Variants in MGA observed in about 807,000 individuals in gnomAD.
The protein encoded by MGA is MAX gene-associated protein.
MGA carries 40 observed loss-of-function variants against 261.1 expected under a neutral mutation model. That is an observed-to-expected ratio of 0.15 (90% CI 0.12 to 0.20). The LOEUF is 0.20. Among genes scored for constraint, MGA ranks in the 10% least tolerant of loss-of-function variants. The probability of loss-of-function intolerance (pLI) is 1.00; values close to 1 mark genes in which losing one functional copy is unlikely to be tolerated. For synonymous variants in MGA, 1,302 were observed against 1,290.6 expected (o/e 1.01, Z -0.19); for missense variants, 3,397 against 3,630.5 (o/e 0.94, Z 1.65).
At chr15:41,724,615 G>C (rs1036123309) in intron 9 of MGA, among the ~76,000 whole-genome samples, 2 of 152,140 alleles carry the variant, frequency 1.3e-5, no homozygotes, top group African/African-American at 4.8e-5. Context: ...AGTCAGGGAG[G>C]CCAGGGCTAT....
At chr15:41,722,589 G>T (rs1414106434) in intron 9 of MGA, among the ~76,000 whole-genome samples, 1 of 152,166 alleles carries the variant, frequency 6.6e-6, no homozygotes, top group Non-Finnish European at 1.5e-5. Flanking sequence ...TCTATTTCTT[G>T]TATGGTGTTT....
rs1595884602 is a variant in MGA, at chr15:41,727,377, C to T, written c.3628C>T (p.Arg1210Trp). 10 of 1,613,780 alleles carry T rather than the reference C, an allele frequency of 6.2e-6. No individual in the cohort carries two copies. The highest frequency in any genetic ancestry group is 4.5e-5 in the East Asian group (2 of 44,894). Residue 1210 changes from arginine (R) to tryptophan (W), a missense_variant, in exon 10 of 24, where the codon CGG (arginine) becomes TGG (tryptophan). By Grantham distance (101) the Arg-to-Trp change is moderately radical. This residue lies in a region of MGA where 519 missense variants were observed against 554.1 expected (regional missense o/e 0.94). Transcript: ENST00000219905. ...ACTGCTCACTGGAATTAAATCTCCA[C>T]GGTCATATACTCCCAAACCCAATCC...
At chr15:41,759,225 A>G (rs145282580) in intron 19 of MGA, among the ~76,000 whole-genome samples, 95 of 152,344 alleles carry the variant, frequency 6.2e-4, no homozygotes, top group African/African-American at 2.1e-3. Flanking sequence ...ATGGTAAGAC[A>G]TAAGAGTGAT....
chr15:41,659,800 A>G (rs1306048410), upstream of MGA, among the ~76,000 whole-genome samples: 1 of 152,240 alleles, frequency 6.6e-6, no homozygotes, highest in Non-Finnish European at 1.5e-5. Flanking sequence ...ATTTAGTGGC[A>G]ACTCTTCGCT....
chr15:41,737,609 C>T (rs574297042), intron 13 of MGA, among the ~76,000 whole-genome samples: 11 of 152,166 alleles, frequency 7.2e-5, no homozygotes, highest in African/African-American at 2.6e-4. Flanking sequence ...TAGTAATTCA[C>T]GCAGGTTGTA....
intron 2 of MGA, among the ~76,000 whole-genome samples, chr15:41,684,018 C>T (rs974916814): frequency 5.3e-5 from 8 of 151,914 alleles, no homozygotes; most frequent in Admixed American, 1.3e-4. Context: ...TTACGGAAGG[C>T]GTTATAATAT....
At chr15:41,740,242 A>G (rs760804490) in intron 14 of MGA, 39 bp downstream of exon 14, 4 of 1,600,608 alleles carry the variant, frequency 2.5e-6, no homozygotes, top group Non-Finnish European at 3.4e-6. Context: ...AAGGCCTATG[A>G]CTTGGTGGTG....
intron 7 of MGA, among the ~76,000 whole-genome samples, chr15:41,708,754 T>C (rs528878503): frequency 6.6e-6 from 1 of 152,320 alleles, no homozygotes. Flanking sequence ...ATTTCTGTTA[T>C]TTCTGTTTCT....
intron 9 of MGA, among the ~76,000 whole-genome samples, chr15:41,717,407 G>C (rs1427159777): frequency 6.6e-6 from 1 of 152,068 alleles, no homozygotes; most frequent in Non-Finnish European, 1.5e-5. Flanking sequence ...CCAGACTGAG[G>C]AATAAAGAGA....
chr15:41,755,490 A>C (rs1371994373), intron 18 of MGA, among the ~76,000 whole-genome samples: 1 of 152,246 alleles, frequency 6.6e-6, no homozygotes, highest in Non-Finnish European at 1.5e-5. Context: ...TGAGTTTGTA[A>C]ACAATGGCAA....
At chr15:41,656,377 T>TCTCTCACACACACA (rs1555403733), upstream of MGA, among the ~76,000 whole-genome samples, 1 of 68,274 alleles carries the variant, frequency 1.5e-5, no homozygotes, top group Non-Finnish European at 3.5e-5. Flanking sequence ...TCTCTCTCTC[T>TCTCTCACACACACA]CACACCCAGG....
intron 2 of MGA, among the ~76,000 whole-genome samples, chr15:41,695,583 G>A (rs777717586): frequency 1.3e-5 from 2 of 152,122 alleles, no homozygotes; most frequent in Non-Finnish European, 2.9e-5. Flanking sequence ...TGTTTATGTT[G>A]TTTTTGGATG....
chr15:41,635,518 C>A (rs557034392), intron 1 of MGA, among the ~76,000 whole-genome samples: 2 of 151,814 alleles, frequency 1.3e-5, no homozygotes, highest in South Asian at 2.1e-4. Context: ...TAGTGAGACC[C>A]CCCCCCTCCT....
intron 22 of MGA, among the ~76,000 whole-genome samples, 183 bp from the exon 23 acceptor site, chr15:41,764,703 T>A (rs1283522939): frequency 6.6e-6 from 1 of 151,904 alleles, no homozygotes; most frequent in Non-Finnish European, 1.5e-5. Flanking sequence ...CCGCCTAATT[T>A]AAAAAAATTT....
In MGA at chr15:41,696,198, C is replaced by T. The variant is rs1478183432; in HGVS notation, c.1188C>T (p.Cys396=). 1.9e-6 allele frequency: 3 copies of T among 1,613,842 alleles called. No homozygotes were observed. The highest frequency in any genetic ancestry group is 2.5e-6 in the Non-Finnish European group (3 of 1,179,866). The change falls in exon 3 of 24, where the codon TGC becomes TGT. Residue 396 remains cysteine (C), a synonymous_variant. Transcript: ENST00000219905. ...ATTATGACTACGAACTTGGTGAGTG[C>T]CCAGAAGGGGTCACTGTGAAACAGG...
Position 41,696,089 on chromosome 15 carries a change from G to T in MGA, c.1079G>T (p.Ser360Ile). Residue 360 changes from serine to isoleucine, a missense_variant, in exon 3 of 24, where the codon AGT becomes ATT. Ser to Ile is a moderately radical substitution (Grantham distance 142). Around this residue, in one of 9 missense-constraint regions of MGA, gnomAD observed 563 missense variants for 563.6 expected, o/e 1.00. Coordinates refer to ENST00000219905, the MANE Select transcript of MGA (RefSeq NM_001164273.2). ...TCTCTCTCCAGTCTTATTGCCAGCA[G>T]TTTTGAAGATGACTCCCGTGTAGCC... 1 of 1,608,194 alleles carries T rather than the reference G, an allele frequency of 6.2e-7. No individual in the cohort carries two copies. Among genetic ancestry groups the T allele is most frequent in the Non-Finnish European group, 8.5e-7 (1 of 1,176,928 alleles).
chr15:41,688,942 G>T (rs112739974), intron 2 of MGA, among the ~76,000 whole-genome samples: 64 of 151,976 alleles, frequency 4.2e-4, no homozygotes, highest in African/African-American at 1.5e-3. Context: ...TGGGGGGAGC[G>T]GGGGATGTCT....
chr15:41,664,387 T>A (rs1411170270), intron 1 of MGA, among the ~76,000 whole-genome samples: 1 of 152,240 alleles, frequency 6.6e-6, no homozygotes, highest in African/African-American at 2.4e-5. Flanking sequence ...ATTTCATAGA[T>A]TAATCTTTAA....
At position 41,736,178 on chromosome 15, in the gene MGA, C is replaced by A; in HGVS notation, c.3917-3C>A. 6.6e-7 allele frequency: 1 copy of A among 1,525,988 alleles called. No homozygotes were observed. The highest frequency in any genetic ancestry group is 8.8e-7 in the Non-Finnish European group (1 of 1,137,528). 94.5% of individuals were successfully genotyped at this position (1,525,988 alleles called of 1,614,324 possible). A position where few individuals can be genotyped will look rare whatever the true frequency, so the allele number is the denominator to read the frequency against. ...TTTCTTTTTTATTATTATTTTACAT[C>A]AGAAAAGAGCTGGAAGTCTTCCTGC... On this transcript the variant is annotated splice_polypyrimidine_tract_variant and splice_region_variant and intron_variant, in intron 12 of 23. Coordinates refer to ENST00000219905, the MANE Select transcript of MGA (RefSeq NM_001164273.2).
Sources: allele counts gnomAD v4.1 joint callset (sites outside exome capture counted in the v4.1 genomes callset), GRCh38; gene constraint gnomAD v4.1.1; regional missense constraint gnomAD v4.1.1; transcripts MANE v1.5; gene names NCBI Gene and HGNC (gene_info 2026-07-23, HGNC 2026-07-21).